The following ASIC2 variants were observed in gnomAD, a reference collection of about 807,000 sequenced individuals.
The protein encoded by ASIC2 is acid sensing ion channel subunit 2, also known as acid-sensing ion channel 2.
ASIC2 carries 25 observed loss-of-function variants against 57.3 expected under a neutral mutation model. That is an observed-to-expected ratio of 0.44 (90% CI 0.32 to 0.61). The LOEUF is 0.61. Ranked by LOEUF, ASIC2 falls within the 20% of genes least tolerant of loss-of-function variation. The probability of loss-of-function intolerance (pLI) is 0.06; values close to 1 mark genes in which losing one functional copy is unlikely to be tolerated. For synonymous variants in ASIC2, 319 were observed against 307.5 expected (o/e 1.04, Z -0.39); for missense variants, 641 against 738.1 (o/e 0.87, Z 1.52).
At chr17:33,390,683 T>A (rs75474473) in intron 1 of ASIC2, among the ~76,000 whole-genome samples, 1 of 152,176 alleles carries the variant, frequency 6.6e-6, no homozygotes, top group African/African-American at 2.4e-5. Context: ...CAACAAGTCC[T>A]CTGCCGCTAG....
chr17:34,034,895 T>C (rs1455761365), intron 1 of ASIC2, among the ~76,000 whole-genome samples: 18 of 152,154 alleles, frequency 1.2e-4, no homozygotes, highest in African/African-American at 4.1e-4. Flanking sequence ...ATTCCATGCT[T>C]ATGGATAGGA....
intron 1 of ASIC2, among the ~76,000 whole-genome samples, chr17:33,351,780 G>A (rs1908191337): frequency 1.3e-5 from 2 of 152,170 alleles, no homozygotes; most frequent in Admixed American, 1.3e-4. Context: ...GGGCATTTTA[G>A]AGCTTTTCTG....
chr17:33,248,738 T>C (rs1291269607), intron 1 of ASIC2, among the ~76,000 whole-genome samples: 1 of 152,206 alleles, frequency 6.6e-6, no homozygotes, highest in Non-Finnish European at 1.5e-5. Flanking sequence ...CGTGGTCACA[T>C]TCTCCTCCTC....
rs11871245 is a variant in ASIC2 at position 33,925,889 on chromosome 17, G to T, written c.555+230089C>A. Among the ~76,000 whole-genome samples, 1,172 of 152,302 alleles carry T rather than the reference G, an allele frequency of 7.7e-3. 4 individuals carry two copies. The highest frequency in any genetic ancestry group is 0.012 in the Non-Finnish European group (840 of 68,034). On this transcript the variant is annotated intron_variant, in intron 1 of 9. Transcript: ENST00000359872. ...CACAATACTTCTTTGGCCAGTGGAAGATCTGAGCTATAGCAATATTTAAAA... is the reference window on the plus strand; with the variant it reads ...CACAATACTTCTTTGGCCAGTGGAATATCTGAGCTATAGCAATATTTAAAA...
At chr17:33,522,555 T>C (rs920072429) in intron 1 of ASIC2, among the ~76,000 whole-genome samples, 2 of 152,188 alleles carry the variant, frequency 1.3e-5, no homozygotes, top group Non-Finnish European at 2.9e-5. Context: ...ATCTGTGAAA[T>C]AGGAACAGTA....
chr17:33,300,711 C>T (rs914420528), intron 1 of ASIC2, among the ~76,000 whole-genome samples: 17 of 152,290 alleles, frequency 1.1e-4, no homozygotes, highest in Middle Eastern at 6.8e-3. Context: ...CCAAACATGC[C>T]TTGGTTGGCA....
At chr17:33,566,734 A>G (rs1916245662) in intron 1 of ASIC2, among the ~76,000 whole-genome samples, 2 of 152,054 alleles carry the variant, frequency 1.3e-5, no homozygotes, top group South Asian at 2.1e-4. Context: ...ACTCCTTGTG[A>G]TAATCTCCCA....
At chr17:33,959,549 GC>G (rs1177941299) in intron 1 of ASIC2, among the ~76,000 whole-genome samples, 25 of 152,324 alleles carry the variant, frequency 1.6e-4, no homozygotes, top group African/African-American at 5.8e-4. Flanking sequence ...AGGCCTGAGA[GC>G]CCCTGGCTGA....
intron 1 of ASIC2, among the ~76,000 whole-genome samples, chr17:33,915,729 T>C (rs1915569362): frequency 6.6e-6 from 1 of 152,236 alleles, no homozygotes; most frequent in African/African-American, 2.4e-5. Flanking sequence ...TTTTCCCTTT[T>C]TCTACAGCGA....
intron 1 of ASIC2, among the ~76,000 whole-genome samples, chr17:33,596,854 A>AG (rs1904993183): frequency 6.6e-6 from 1 of 152,252 alleles, no homozygotes; most frequent in Admixed American, 6.5e-5. Flanking sequence ...GCAGGGCCAG[A>AG]GCGGGTACAT....
At chr17:34,011,989 C>A (rs1906783779) in intron 1 of ASIC2, among the ~76,000 whole-genome samples, 1 of 152,152 alleles carries the variant, frequency 6.6e-6, no homozygotes, top group Non-Finnish European at 1.5e-5. Context: ...CCTGCAGGCA[C>A]CTCCAGGAGG....
intron 1 of ASIC2, among the ~76,000 whole-genome samples, chr17:33,648,678 G>T (rs1906824755): frequency 6.6e-6 from 1 of 152,140 alleles, no homozygotes; most frequent in African/African-American, 2.4e-5. Context: ...TTGCAATGTG[G>T]GGGACTAGCC....
intron 1 of ASIC2, among the ~76,000 whole-genome samples, chr17:33,257,716 T>C (rs1434653144): frequency 6.6e-6 from 1 of 152,190 alleles, no homozygotes; most frequent in Non-Finnish European, 1.5e-5. Flanking sequence ...GTGTGTGGTA[T>C]CAAGGTCCTG....
chr17:33,086,567 A>T (rs2092134548), intron 3 of ASIC2, among the ~76,000 whole-genome samples: 1 of 152,030 alleles, frequency 6.6e-6, no homozygotes. Context: ...CCTTGACCAG[A>T]CTCTAGCCAG....
chr17:33,667,558 C>T (rs1259545132), intron 1 of ASIC2, among the ~76,000 whole-genome samples: 1 of 152,134 alleles, frequency 6.6e-6, no homozygotes, highest in African/African-American at 2.4e-5. Flanking sequence ...CGTGGGCTTC[C>T]GAACCAGACA....
At chr17:33,239,275 AGT>A (rs1908415950) in intron 1 of ASIC2, among the ~76,000 whole-genome samples, 1 of 151,822 alleles carries the variant, frequency 6.6e-6, no homozygotes, top group Admixed American at 6.6e-5. Flanking sequence ...TGGGCAACAG[AGT>A]GAGACTCCGT....
intron 1 of ASIC2, among the ~76,000 whole-genome samples, chr17:33,467,091 CCTAT>C (rs1912891261): frequency 6.6e-6 from 1 of 152,118 alleles, no homozygotes; most frequent in Non-Finnish European, 1.5e-5. Context: ...TTGCAATCTA[CCTAT>C]CTGACAAAGG....
At chr17:34,029,039 C>T (rs538985934) in intron 1 of ASIC2, among the ~76,000 whole-genome samples, 4 of 152,318 alleles carry the variant, frequency 2.6e-5, no homozygotes, top group South Asian at 2.1e-4. Context: ...TCTTTGACTT[C>T]GTTCAAACGA....
intron 1 of ASIC2, among the ~76,000 whole-genome samples, chr17:33,528,474 T>A (rs530214612): frequency 1.3e-5 from 2 of 152,256 alleles, no homozygotes; most frequent in Admixed American, 1.3e-4. Flanking sequence ...TTCGACATAA[T>A]TTCCCCAGAG....
Sources: gnomAD v4.1 joint callset for allele counts (sites outside exome capture counted in the v4.1 genomes callset) on GRCh38, gnomAD v4.1.1 for gene constraint, MANE v1.5 for transcripts, NCBI Gene and HGNC (gene_info 2026-07-23, HGNC 2026-07-21) for gene names.